The following ZDHHC3 variants were observed in gnomAD, a reference collection of about 807,000 sequenced individuals.
The protein encoded by ZDHHC3 is palmitoyltransferase ZDHHC3.
ZDHHC3 carries 9 observed loss-of-function variants against 30.6 expected under a neutral mutation model. The ratio of observed to expected loss-of-function variants is 0.29; its 90% CI spans 0.18 to 0.51. The LOEUF (loss-of-function observed/expected upper bound fraction) is 0.51. ZDHHC3 is among the 20% of genes least tolerant of loss of function. ZDHHC3 has a pLI of 0.97. For missense variants in ZDHHC3, 246 were observed against 384.2 expected (o/e 0.64, Z 3.01); for synonymous variants, 136 against 140.2 (o/e 0.97, Z 0.21).
chr3:44,931,873 C>T (rs1216435417), intron 5 of ZDHHC3, among the ~76,000 whole-genome samples: 1 of 152,226 alleles, frequency 6.6e-6, no homozygotes, highest in African/African-American at 2.4e-5. Flanking sequence ...AGCATCTCTC[C>T]TACCTTGCAG....
At position 44,916,591 on chromosome 3, in the gene ZDHHC3, T is replaced by TG. The variant is rs1239402928; in HGVS notation, c.*10097dup. On this transcript the variant is annotated 3_prime_UTR_variant, in exon 7 of 7. Transcript: ENST00000424952. Reference sequence around the variant, plus strand: ...TGCCAATCCTGACGCCAGTAGACGCTGGGGAAATGGGCCAAAGAGAGGAAC... The same window carrying TG: ...TGCCAATCCTGACGCCAGTAGACGCTGGGGGAAATGGGCCAAAGAGAGGAAC... 6.6e-6 allele frequency: 1 copy of TG among 152,204 alleles called. No individual in the cohort carries two copies. Among genetic ancestry groups the TG allele is most frequent in the East Asian group, 1.9e-4 (1 of 5,194 alleles). The allele number at this position is 152,204 out of a possible 1,614,324, so 9.4% of individuals were successfully genotyped here.
At chr3:44,931,634 G>T (rs1177692085) in intron 5 of ZDHHC3, among the ~76,000 whole-genome samples, 1 of 152,158 alleles carries the variant, frequency 6.6e-6, no homozygotes, top group Non-Finnish European at 1.5e-5. Flanking sequence ...TGCCTTCCCA[G>T]CCTAGCTGCC....
At chr3:44,931,500 G>C (rs540362661) in intron 5 of ZDHHC3, among the ~76,000 whole-genome samples, 3 of 152,306 alleles carry the variant, frequency 2.0e-5, no homozygotes, top group African/African-American at 4.8e-5. Flanking sequence ...AATCCTGGGG[G>C]ACAGCCCTCT....
intron 1 of ZDHHC3, among the ~76,000 whole-genome samples, chr3:44,964,571 C>A (rs911547123): frequency 6.6e-6 from 1 of 152,216 alleles, no homozygotes; most frequent in East Asian, 1.9e-4. Context: ...CTGAAAGGTA[C>A]TGGTGAGCCA....
chr3:44,925,026 G>A lies in ZDHHC3; in HGVS notation c.*1663C>T. The A allele has an allele frequency of 2.0e-6, 2 of 985,578 alleles. No individual in the cohort carries two copies. The highest frequency in any genetic ancestry group is 2.4e-6 in the Non-Finnish European group (2 of 829,910). The allele number at this position is 985,578 out of a possible 1,614,324, so 61.1% of individuals were successfully genotyped here. A position where few individuals can be genotyped will look rare whatever the true frequency, so the allele number is the denominator to read the frequency against. The stretch of plus-strand genomic sequence containing the variant: ...CTGGTTCAAGAGAGGGACCATAAAT[G>A]CATTTTAAAACAAAAAAAATAAAGT... On this transcript the variant is annotated 3_prime_UTR_variant, in exon 7 of 7. Coordinates refer to ENST00000424952, the MANE Select transcript of ZDHHC3 (RefSeq NM_001135179.2).
intron 2 of ZDHHC3, among the ~76,000 whole-genome samples, chr3:44,953,816 G>C (rs529307216): frequency 6.6e-6 from 1 of 152,328 alleles, no homozygotes; most frequent in East Asian, 1.9e-4. Flanking sequence ...AATGCAGCAC[G>C]ATACTCCAAT....
rs541697002 is a variant in ZDHHC3, at chr3:44,928,948, G to A, written c.741+358C>T. ...CACCCTGTCAACCACTCTATTTCAA[G>A]CCTGTGGCCCCCAGATGGGAAGGGT... On this transcript the variant is annotated intron_variant, in intron 6 of 6. Transcript: ENST00000424952. Among the ~76,000 whole-genome samples, 4 of 152,316 alleles carry A rather than the reference G, an allele frequency of 2.6e-5. No individual in the cohort carries two copies. In the East Asian group the frequency reaches 7.7e-4, roughly 29 times the overall value.
chr3:44,936,899 C>T (rs1437966429), intron 3 of ZDHHC3, among the ~76,000 whole-genome samples: 1 of 149,036 alleles, frequency 6.7e-6, no homozygotes, highest in South Asian at 2.1e-4. Flanking sequence ...CCTGCTTGAA[C>T]GAAGGCAACT....
chr3:44,933,057 C>A (rs1170460371), intron 5 of ZDHHC3, 61 bp downstream of exon 5: 12 of 1,611,654 alleles, frequency 7.4e-6, no homozygotes, highest in Admixed American at 3.3e-5. Flanking sequence ...AGCCTCCCCG[C>A]CCCCCACTCA....
intron 1 of ZDHHC3, among the ~76,000 whole-genome samples, chr3:44,962,449 A>T (rs1274347621): frequency 6.7e-6 from 1 of 148,154 alleles, no homozygotes; most frequent in Non-Finnish European, 1.5e-5. Flanking sequence ...ACACACTTTA[A>T]TCATTTGGAT....
intron 1 of ZDHHC3, among the ~76,000 whole-genome samples, chr3:44,971,873 C>A (rs887992559): frequency 6.6e-6 from 1 of 152,100 alleles, no homozygotes; most frequent in African/African-American, 2.4e-5. Flanking sequence ...AGATATTCTT[C>A]ATTTCTATCA....
At chr3:44,936,884 C>CA (rs1702010885) in intron 3 of ZDHHC3, among the ~76,000 whole-genome samples, 1 of 150,632 alleles carries the variant, frequency 6.6e-6, no homozygotes. Context: ...AACCCCCCCC[C>CA]AAAACCTGCT....
chr3:44,929,267 C>T lies in ZDHHC3; in HGVS notation c.741+39G>A, dbSNP rs1271314682. On this transcript the variant is annotated intron_variant, in intron 6 of 6. Coordinates refer to ENST00000424952, the MANE Select transcript of ZDHHC3 (RefSeq NM_001135179.2). The stretch of plus-strand genomic sequence containing the variant: ...AACACTGACCCTGGGTCCTCCCCAT[C>T]CCCAGGTGTGGAAATGGTGGGCAGA... 7.5e-6 allele frequency: 12 copies of T among 1,608,258 alleles called. No individual in the cohort carries two copies. The Admixed American group carries it at 1.7e-4, about 23-fold the overall frequency.
At chr3:44,943,102 C>T (rs563874020) in intron 3 of ZDHHC3, among the ~76,000 whole-genome samples, 8 of 152,310 alleles carry the variant, frequency 5.3e-5, no homozygotes, top group Admixed American at 5.2e-4. Flanking sequence ...CCATTGGCCC[C>T]TACCCAGGCT....
intron 2 of ZDHHC3, among the ~76,000 whole-genome samples, chr3:44,950,688 G>A (rs1703370136): frequency 6.6e-6 from 1 of 152,168 alleles, no homozygotes; most frequent in African/African-American, 2.4e-5. Flanking sequence ...TCCAGTCTCT[G>A]CCTCAGGCAA....
In ZDHHC3 at chr3:44,926,707, C is replaced by A. The variant is rs377350770; in HGVS notation, c.882G>T (p.Pro294=). Residue 294 remains proline, a synonymous_variant, in exon 7 of 7, where the codon CCG becomes CCT. Coordinates refer to ENST00000424952, the MANE Select transcript of ZDHHC3 (RefSeq NM_001135179.2). Reference sequence around the variant, plus strand: ...GGGTCCTTCAGACCACATACTGGTACGGGTCTGCCTTCCCTTGGTCTGGCG... The same window carrying A: ...GGGTCCTTCAGACCACATACTGGTAAGGGTCTGCCTTCCCTTGGTCTGGCG... ...FATPDQGKAD[P]YQYVV 3.3e-5 allele frequency: 53 copies of A among 1,610,032 alleles called. No homozygotes were observed. Among genetic ancestry groups the A allele is most frequent in the Non-Finnish European group, 4.5e-5 (53 of 1,178,676 alleles).
At chr3:44,946,828 CCGGGGCCAG>C (rs1351643048) in intron 2 of ZDHHC3, among the ~76,000 whole-genome samples, 1 of 152,084 alleles carries the variant, frequency 6.6e-6, no homozygotes, top group African/African-American at 2.4e-5. Flanking sequence ...GACCGATGGG[CCGGGGCCAG>C]CCCATGTGGT....
In ZDHHC3 at chr3:44,919,940, A is replaced by G; in HGVS notation, c.*6749T>C. 9.6e-7 allele frequency: 1 copy of G among 1,039,686 alleles called. No individual in the cohort carries two copies. 64.4% of individuals were successfully genotyped at this position (1,039,686 alleles called of 1,614,324 possible). On this transcript the variant is annotated 3_prime_UTR_variant, in exon 7 of 7. Coordinates refer to ENST00000424952, the MANE Select transcript of ZDHHC3 (RefSeq NM_001135179.2). Reference sequence around the variant, plus strand: ...GCAAAGCTGGAAATGAGAAATGCCCAATAATGATGGTTAAGCAAATGATTC... The same window carrying G: ...GCAAAGCTGGAAATGAGAAATGCCCGATAATGATGGTTAAGCAAATGATTC...
chr3:44,971,608 T>A (rs1308640967), intron 1 of ZDHHC3, among the ~76,000 whole-genome samples: 1 of 152,200 alleles, frequency 6.6e-6, no homozygotes, highest in East Asian at 1.9e-4. Context: ...TCAGGGTGTG[T>A]GTGTTTAAAT....
Sources: allele counts gnomAD v4.1 joint callset (sites outside exome capture counted in the v4.1 genomes callset), GRCh38; gene constraint gnomAD v4.1.1; transcripts MANE v1.5; gene names NCBI Gene and HGNC (gene_info 2026-07-23, HGNC 2026-07-21).